Variants in CHCHD3 observed in about 807,000 individuals in gnomAD.
CHCHD3 encodes MICOS complex subunit MIC19.
CHCHD3 carries 20 observed loss-of-function variants against 38.2 expected under a neutral mutation model. The observed-to-expected ratio is 0.52, with a 90% CI of 0.37 to 0.76. The LOEUF is 0.76. Ranked by LOEUF, CHCHD3 falls within the 30% of genes least tolerant of loss-of-function variation. The pLI is 0.00. For synonymous variants in CHCHD3, 82 were observed against 100.0 expected (o/e 0.82, Z 1.07); for missense variants, 245 against 279.2 (o/e 0.88, Z 0.87).
intron 4 of CHCHD3, among the ~76,000 whole-genome samples, chr7:132,967,423 C>G (rs759799091): frequency 6.6e-6 from 1 of 152,040 alleles, no homozygotes; most frequent in Non-Finnish European, 1.5e-5. Flanking sequence ...CCACTGCTCT[C>G]CACCTCCAGG....
At chr7:132,830,331 C>A (rs771233973) in intron 6 of CHCHD3, among the ~76,000 whole-genome samples, 3 of 152,178 alleles carry the variant, frequency 2.0e-5, no homozygotes, top group Non-Finnish European at 4.4e-5. Flanking sequence ...TGGGAGCTGG[C>A]ACTACCTTAC....
At chr7:132,810,195 T>C (rs1807032554) in intron 6 of CHCHD3, among the ~76,000 whole-genome samples, 1 of 152,218 alleles carries the variant, frequency 6.6e-6, no homozygotes, top group Admixed American at 6.5e-5. Context: ...AAGTAGTTGC[T>C]AATATTTTCC....
intron 3 of CHCHD3, among the ~76,000 whole-genome samples, chr7:132,996,975 A>G (rs552832703): frequency 6.8e-4 from 104 of 152,370 alleles, no homozygotes; most frequent in African/African-American, 2.4e-3. Context: ...AAATAAAACT[A>G]TATTTCCACG....
intron 4 of CHCHD3, among the ~76,000 whole-genome samples, chr7:132,914,485 T>C (rs2117225748): frequency 6.6e-6 from 1 of 152,312 alleles, no homozygotes; most frequent in Middle Eastern, 3.4e-3. Flanking sequence ...TACTATTATG[T>C]ACATGATTAA....
At chr7:132,882,255 C>G (rs956561213) in intron 5 of CHCHD3, among the ~76,000 whole-genome samples, 1 of 151,954 alleles carries the variant, frequency 6.6e-6, no homozygotes, top group African/African-American at 2.4e-5. Context: ...GGTGAATTGC[C>G]GAACAGCCAC....
chr7:133,042,935 C>T (rs55861011), intron 2 of CHCHD3, among the ~76,000 whole-genome samples: 35,157 of 152,054 alleles, frequency 0.23, 4,915 homozygotes, highest in East Asian at 0.34. Flanking sequence ...AGCACAAACA[C>T]GGCACACTGT....
intron 4 of CHCHD3, among the ~76,000 whole-genome samples, chr7:132,968,318 G>C (rs1811528344): frequency 6.6e-6 from 1 of 152,178 alleles, no homozygotes; most frequent in Non-Finnish European, 1.5e-5. Context: ...AAGCTATTAA[G>C]AGAGAAGAGT....
Position 132,836,502 on chromosome 7 carries a change from T to C in CHCHD3, c.524+1897A>G, listed in dbSNP as rs190571264. 2.0e-5 allele frequency among the ~76,000 whole-genome samples: 3 copies of C among 152,216 alleles called. No individual in the cohort carries two copies. In the East Asian group the frequency reaches 5.8e-4, roughly 29 times the overall value. The stretch of plus-strand genomic sequence containing the variant: ...CTGATTGTTTTTTCTTTTTCTTCTT[T>C]TAAGACATAATCTCACTCTGTGACT... On this transcript the variant is annotated intron_variant, in intron 6 of 7. Coordinates refer to ENST00000262570, the MANE Select transcript of CHCHD3 (RefSeq NM_017812.4).
chr7:132,947,935 C>G (rs754586475), intron 4 of CHCHD3, among the ~76,000 whole-genome samples: 7 of 151,758 alleles, frequency 4.6e-5, no homozygotes, highest in Non-Finnish European at 7.4e-5. Flanking sequence ...AAAGGATTAT[C>G]AACATAAAAT....
intron 3 of CHCHD3, among the ~76,000 whole-genome samples, chr7:132,997,098 C>T (rs1341337370): frequency 6.6e-6 from 1 of 152,198 alleles, no homozygotes; most frequent in East Asian, 1.9e-4. Context: ...GCAGCATGAA[C>T]CATGTTAGCT....
chr7:132,870,351 CAAAAAAAA>C (rs58488494), intron 5 of CHCHD3, among the ~76,000 whole-genome samples: 1 of 99,390 alleles, frequency 1.0e-5, no homozygotes, highest in African/African-American at 3.9e-5. Context: ...CCTATCTCAC[CAAAAAAAA>C]AAAAAAAAAA....
chr7:132,990,951 T>TACACACATACACACAC (rs1554398389), intron 3 of CHCHD3, among the ~76,000 whole-genome samples: 3 of 143,692 alleles, frequency 2.1e-5, no homozygotes, highest in African/African-American at 2.7e-5. Flanking sequence ...CAGACACACA[T>TACACACATACACACAC]ACACACACAC....
intron 4 of CHCHD3, among the ~76,000 whole-genome samples, chr7:132,946,442 C>T (rs112566958): frequency 0.043 from 6,497 of 151,878 alleles, 302 homozygotes; most frequent in African/African-American, 0.12. Flanking sequence ...TATGGTGTTG[C>T]TCAGTTTGCT....
At chr7:133,073,170 G>A (rs551492135) in intron 1 of CHCHD3, among the ~76,000 whole-genome samples, 4 of 151,836 alleles carry the variant, frequency 2.6e-5, no homozygotes, top group South Asian at 2.1e-4. Context: ...GGCCACTCCC[G>A]TCTTCTGGAA....
chr7:132,991,512 C>G (rs1289316239), intron 3 of CHCHD3, among the ~76,000 whole-genome samples: 3 of 151,972 alleles, frequency 2.0e-5, no homozygotes. Flanking sequence ...ATTAATTTTA[C>G]TTTTTCCCTT....
chr7:132,856,817 T>C lies in CHCHD3; in HGVS notation c.454-18348A>G, dbSNP rs528964430. On this transcript the variant is annotated intron_variant, in intron 5 of 7. Coordinates refer to ENST00000262570, the MANE Select transcript of CHCHD3 (RefSeq NM_017812.4). ...ATTACACGCCTCCTCCTGATAGAAG[T>C]AGACATTTATTAGCTTCTGCATTCA... Among the ~76,000 whole-genome samples the C allele has an allele frequency of 1.7e-3, 256 of 152,352 alleles. 2 individuals are homozygous for C. Among genetic ancestry groups the C allele is most frequent in the South Asian group, 7.0e-3 (34 of 4,830 alleles).
intron 2 of CHCHD3, among the ~76,000 whole-genome samples, chr7:133,026,391 G>A (rs983664451): frequency 6.6e-6 from 1 of 152,112 alleles, no homozygotes; most frequent in African/African-American, 2.4e-5. Flanking sequence ...TGGTGAAGAT[G>A]TAAAGAAATT....
At chr7:133,037,846 T>C (rs985819086) in intron 2 of CHCHD3, among the ~76,000 whole-genome samples, 7 of 152,064 alleles carry the variant, frequency 4.6e-5, no homozygotes, top group African/African-American at 1.4e-4. Flanking sequence ...TAAATACATA[T>C]GCCAAAATGA....
At chr7:132,986,738 G>T (rs898930853) in intron 3 of CHCHD3, among the ~76,000 whole-genome samples, 4 of 152,172 alleles carry the variant, frequency 2.6e-5, no homozygotes, top group African/African-American at 9.7e-5. Context: ...AGACAAAAGT[G>T]CCCTACTCTA....
Sources: allele counts gnomAD v4.1 joint callset (sites outside exome capture counted in the v4.1 genomes callset), GRCh38; gene constraint gnomAD v4.1.1; transcripts MANE v1.5; gene names NCBI Gene and HGNC (gene_info 2026-07-23, HGNC 2026-07-21).